Variants in LAMA5 observed in about 807,000 individuals in gnomAD.
LAMA5 encodes the protein laminin subunit alpha 5.
In LAMA5, 260 loss-of-function variants were observed where a neutral mutation model predicts 433.4. The observed-to-expected ratio is 0.60, with a 90% CI of 0.54 to 0.66. The LOEUF (loss-of-function observed/expected upper bound fraction) is 0.66. Among genes scored for constraint, LAMA5 ranks in the 30% least tolerant of loss-of-function variants. The pLI is 0.00. For synonymous variants in LAMA5, 2,620 were observed against 2,226.6 expected (o/e 1.18, Z -4.97); for missense variants, 5,378 against 5,258.5 (o/e 1.02, Z -0.70).
chr20:62,309,113 G>T lies in LAMA5; in HGVS notation c.*223C>A. The T allele has an allele frequency of 1.7e-6, 1 of 602,702 alleles. No homozygotes were observed. The allele number at this position is 602,702 out of a possible 1,614,324, so 37.3% of individuals were successfully genotyped here. ...TTTTAAGGAGGAACCAGTGATGATT[G>T]GTGACAAATCTCTCACAATTAAAAA... On this transcript the variant is annotated 3_prime_UTR_variant, in exon 80 of 80. Transcript: ENST00000252999.
chr20:62,347,203 G>A (rs112582986), intron 6 of LAMA5, among the ~76,000 whole-genome samples, 175 bp from the exon 7 acceptor site: 45 of 152,294 alleles, frequency 3.0e-4, no homozygotes, highest in African/African-American at 8.9e-4. Context: ...CAGACTCAGC[G>A]TCCCCGAGCC....
chr20:62,337,820 G>A lies in LAMA5; in HGVS notation c.2010C>T (p.Gly670=), dbSNP rs2146234632. The change falls in exon 15 of 80, where the codon GGC becomes GGT. Residue 670 remains glycine (G), a synonymous_variant. Coordinates refer to ENST00000252999, the MANE Select transcript of LAMA5 (RefSeq NM_005560.6). ...GGCACTCACGGACACAGCTGGGGAAGCCGTGAAAGCCGGGGCTGCATTCCT... is the reference window on the plus strand; with the variant it reads ...GGCACTCACGGACACAGCTGGGGAAACCGTGAAAGCCGGGGCTGCATTCCT... ...ACQECSPGFH[G]FPSCVPCHCS... 2 of 1,612,740 alleles carry A rather than the reference G, an allele frequency of 1.2e-6. No homozygotes were observed. The highest frequency in any genetic ancestry group is 1.7e-6 in the Non-Finnish European group (2 of 1,179,926).
intron 6 of LAMA5, among the ~76,000 whole-genome samples, chr20:62,349,233 T>A (rs1983818746): frequency 8.2e-6 from 1 of 122,448 alleles, no homozygotes; most frequent in African/African-American, 3.1e-5. Flanking sequence ...ATCGTGCCAC[T>A]GCACGCCAGT....
Position 62,346,665 on chromosome 20 carries a change from C to A in LAMA5, c.1191+17G>T, listed in dbSNP as rs6143036. 367,228 of 1,610,728 alleles carry A rather than the reference C, an allele frequency of 0.23. 43,137 individuals carry two copies. Among genetic ancestry groups the A allele is most frequent in the Non-Finnish European group, 0.24 (285,756 of 1,177,842 alleles). On this transcript the variant is annotated intron_variant, in intron 8 of 79. Transcript: ENST00000252999. ...ACCTCAGGGCCAGCCCATTCCCAGCCCTCTAGCCCAGCCCACCTGGCAGTC... is the reference window on the plus strand; with the variant it reads ...ACCTCAGGGCCAGCCCATTCCCAGCACTCTAGCCCAGCCCACCTGGCAGTC...
At chr20:62,356,631 C>G (rs375799080) in intron 2 of LAMA5, among the ~76,000 whole-genome samples, 1 of 152,098 alleles carries the variant, frequency 6.6e-6, no homozygotes, top group South Asian at 2.1e-4. Context: ...GGCCTCTGCC[C>G]GGTGACCACT....
Position 62,333,957 on chromosome 20 carries a change from C to T in LAMA5, c.2822G>A (p.Ser941Asn), listed in dbSNP as rs748742416. 2 of 1,612,792 alleles carry T rather than the reference C, an allele frequency of 1.2e-6. No individual in the cohort carries two copies. Among genetic ancestry groups the T allele is most frequent in the East Asian group, 2.2e-5 (1 of 44,862 alleles). Reference protein sequence around the residue: ...VFRYVNRGAMSVSGRVSVREE... With the variant: ...VFRYVNRGAMNVSGRVSVREE... ...TCGCACAGAGACCCGCCCGCTCACA[C>T]TCATGGCCCCCCGGTTGACGTATCG... Residue 941 changes from serine to asparagine, a missense_variant, in exon 23 of 80, where the codon AGT becomes AAT. Transcript: ENST00000252999.
At chr20:62,346,282 G>A (rs1040042627) in intron 9 of LAMA5, 67 bp from the exon 10 acceptor site, 2 of 1,550,310 alleles carry the variant, frequency 1.3e-6, no homozygotes, top group Non-Finnish European at 1.7e-6. Context: ...TCCAAGATGT[G>A]GCAGTCTCTA....
At chr20:62,332,767 A>ACCTC in intron 26 of LAMA5, 50 bp from the exon 27 acceptor site, 1 of 1,570,226 alleles carries the variant, frequency 6.4e-7, no homozygotes, top group Non-Finnish European at 8.6e-7. Flanking sequence ...CGCCCTTCCC[A>ACCTC]CCTCCCTCCC....
Position 62,338,061 on chromosome 20 carries a change from A to C in LAMA5, c.1846T>G (p.Cys616Gly), listed in dbSNP as rs917106842. Reference sequence around the variant, plus strand: ...TGGTAGCCAGGGCGGCACCGGTCACAATGAGGTCCAGCAAACTCAGGCTGG... The same window carrying C: ...TGGTAGCCAGGGCGGCACCGGTCACCATGAGGTCCAGCAAACTCAGGCTGG... The part of the protein sequence containing the change: ...LCQPEFAGPH[C>G]DRCRPGYHGF... The change falls in exon 14 of 80, where the codon TGT (cysteine) becomes GGT (glycine). Residue 616 changes from cysteine to glycine, a missense_variant. Cys to Gly is a radical substitution (Grantham distance 159). Coordinates refer to ENST00000252999, the MANE Select transcript of LAMA5 (RefSeq NM_005560.6). 8.1e-6 allele frequency: 13 copies of C among 1,605,974 alleles called. No individual in the cohort carries two copies. The highest frequency in any genetic ancestry group is 1.1e-5 in the Non-Finnish European group (13 of 1,175,898).
chr20:62,359,268 G>A lies in LAMA5; in HGVS notation c.450+3132C>T, dbSNP rs1415894915. Among the ~76,000 whole-genome samples the A allele has an allele frequency of 1.3e-5, 2 of 152,114 alleles. No individual in the cohort carries two copies. Among genetic ancestry groups the A allele is most frequent in the African/African-American group, 2.4e-5 (1 of 41,440 alleles). ...CGCCCCCACGGTCAGGCCACCCAGG[G>A]GCCGACTGGAGAGGGAGGGGACACA... On this transcript the variant is annotated intron_variant, in intron 2 of 79. Coordinates refer to ENST00000252999, the MANE Select transcript of LAMA5 (RefSeq NM_005560.6). The surrounding 1 kb of genome is among the most constrained non-coding windows in gnomAD (Gnocchi z 4.3).
chr20:62,332,814 C>A, intron 26 of LAMA5, 97 bp from the exon 27 acceptor site: 2 of 1,458,548 alleles, frequency 1.4e-6, no homozygotes, highest in Non-Finnish European at 1.8e-6. Flanking sequence ...CAGGGCCTGC[C>A]CTTCAGCCGA....
At position 62,346,810 on chromosome 20, in the gene LAMA5, G is replaced by T; in HGVS notation, c.1073-10C>A. 6.2e-7 allele frequency: 1 copy of T among 1,610,660 alleles called. No homozygotes were observed. The highest frequency in any genetic ancestry group is 8.5e-7 in the Non-Finnish European group (1 of 1,178,422). On this transcript the variant is annotated splice_polypyrimidine_tract_variant and intron_variant, in intron 7 of 79. Transcript: ENST00000252999. Reference sequence around the variant, plus strand: ...CCGTAGCAGTTACAGGCTAGAGAGAGGGGAGCGCAGCTGTTGGCACGCCCT... The same window carrying T: ...CCGTAGCAGTTACAGGCTAGAGAGATGGGAGCGCAGCTGTTGGCACGCCCT...
At chr20:62,347,156 T>G (rs1568967323) in intron 6 of LAMA5, 128 bp from the exon 7 acceptor site, 4 of 680,272 alleles carry the variant, frequency 5.9e-6, no homozygotes, top group Non-Finnish European at 1.0e-5. Flanking sequence ...GGCCCCCCGC[T>G]GCTGTTTCTC....
chr20:62,335,230 G>A lies in LAMA5; in HGVS notation c.2363C>T (p.Ala788Val). 1 of 1,612,732 alleles carries A rather than the reference G, an allele frequency of 6.2e-7. No homozygotes were observed. The highest frequency in any genetic ancestry group is 1.3e-5 in the African/African-American group (1 of 74,930). The change falls in exon 19 of 80, where the codon GCT becomes GTT. Residue 788 changes from alanine (A) to valine (V), a missense_variant. Coordinates refer to ENST00000252999, the MANE Select transcript of LAMA5 (RefSeq NM_005560.6). ...CDLRGTLGGV[A>V]ECQPGTGQCF... is the part of the protein sequence containing the mutation. Reference sequence around the variant, plus strand: ...CCTCAGACTCACCGGCTGGCACTCAGCAACTCCACCCAGTGTGCCCCTGAG... The same window carrying A: ...CCTCAGACTCACCGGCTGGCACTCAACAACTCCACCCAGTGTGCCCCTGAG...
At chr20:62,353,343 C>G in intron 2 of LAMA5, 92 bp from the exon 3 acceptor site, 1 of 909,080 alleles carries the variant, frequency 1.1e-6, no homozygotes, top group South Asian at 1.6e-5. Context: ...CAGGTGAGGC[C>G]ACAGCAGGGG....
intron 11 of LAMA5, among the ~76,000 whole-genome samples, chr20:62,341,282 T>C (rs904966044): frequency 6.6e-6 from 1 of 151,908 alleles, no homozygotes; most frequent in African/African-American, 2.4e-5. Context: ...CCCCAAATGA[T>C]AGACTATTTA....
rs1601344772 is a variant in LAMA5 at position 62,330,533 on chromosome 20, T to A, written c.3934A>T (p.Thr1312Ser). 1.9e-6 allele frequency: 3 copies of A among 1,577,354 alleles called. No individual in the cohort carries two copies. Among genetic ancestry groups the A allele is most frequent in the Non-Finnish European group, 2.6e-6 (3 of 1,162,624 alleles). The part of the protein sequence containing the change: ...LLHGYQPAHP[T>S]FPVEVLINAG... ...TTGATGAGGACTTCCACGGGGAAGG[T>A]GGGGTGGGCTGGCTGGTAGCCGTGC... The change falls in exon 31 of 80, where the codon ACC becomes TCC. Residue 1312 changes from threonine (T) to serine (S), a missense_variant. Thr to Ser is a moderately conservative substitution (Grantham distance 58, BLOSUM62 1). Transcript: ENST00000252999.
intron 58 of LAMA5, among the ~76,000 whole-genome samples, chr20:62,315,564 C>A (rs938726973): frequency 2.0e-5 from 3 of 152,148 alleles, no homozygotes; most frequent in African/African-American, 7.2e-5. Flanking sequence ...CTGCTCCAAG[C>A]CTCTCAGGGT....
chr20:62,316,746 G>C lies in LAMA5; in HGVS notation c.7681C>G (p.Arg2561Gly), dbSNP rs1172350215. 6.2e-6 allele frequency: 10 copies of C among 1,608,284 alleles called. No individual in the cohort carries two copies. Among genetic ancestry groups the C allele is most frequent in the Non-Finnish European group, 8.5e-6 (10 of 1,177,624 alleles). Residue 2561 changes from arginine (R) to glycine (G), a missense_variant, in exon 57 of 80, where the codon CGA becomes GGA. Coordinates refer to ENST00000252999, the MANE Select transcript of LAMA5 (RefSeq NM_005560.6). ...ATVVRQGLVDRAQQLLANSTA... is the reference protein window; with the variant it reads ...ATVVRQGLVDGAQQLLANSTA... The stretch of plus-strand genomic sequence containing the variant: ...CTGTTGGCCAGGAGCTGCTGGGCTC[G>C]GTCCACCAGGCCCTGCCGCACCACC...
Sources: allele counts gnomAD v4.1 joint callset (sites outside exome capture counted in the v4.1 genomes callset), GRCh38; gene constraint gnomAD v4.1.1; non-coding constraint Gnocchi (gnomAD v3.1); transcripts MANE v1.5; gene names NCBI Gene and HGNC (gene_info 2026-07-23, HGNC 2026-07-21).